CDHR2: variants seen among roughly 807,000 people sequenced by gnomAD.
CDHR2 encodes cadherin-related family member 2.
CDHR2 carries 104 observed loss-of-function variants against 138.6 expected under a neutral mutation model. The observed-to-expected ratio is 0.75, with a 90% CI of 0.64 to 0.88. The LOEUF is 0.88. Ranked by LOEUF, CDHR2 falls within the 40% of genes least tolerant of loss-of-function variation. CDHR2 has a pLI of 0.00. For missense variants in CDHR2, 1,624 were observed against 1,727.6 expected, an observed-to-expected ratio of 0.94 and a Z score of 1.06; for synonymous variants, 755 against 742.8, an observed-to-expected ratio of 1.02 and a Z score of -0.27.
intron 5 of CDHR2, among the ~76,000 whole-genome samples, chr5:176,569,941 T>C (rs1038426548): frequency 4.7e-5 from 7 of 148,604 alleles, no homozygotes; most frequent in Admixed American, 6.7e-5. Context: ...GCCTGAGTGA[T>C]AGCACGAGAC....
intron 6 of CDHR2, among the ~76,000 whole-genome samples, chr5:176,571,954 A>G (rs747744488): frequency 1.3e-5 from 2 of 152,044 alleles, no homozygotes; most frequent in African/African-American, 2.4e-5. Context: ...ATTTGAAATC[A>G]TATCTTCAGG....
At chr5:176,591,605 AGTAGTGGTAGTTATGGTGGTGGTG>A in intron 30 of CDHR2, 121 bp downstream of exon 30, 1 of 741,656 alleles carries the variant, frequency 1.3e-6, no homozygotes, top group Non-Finnish European at 2.3e-6. Context: ...TGGTCATGGT[AGTAGTGGTAGTTATGGTGGTGGTG>A]GTGATGGTAG....
upstream of CDHR2, among the ~76,000 whole-genome samples, chr5:176,545,906 C>T (rs1465321024): frequency 3.3e-5 from 5 of 152,246 alleles, no homozygotes; most frequent in Non-Finnish European, 7.3e-5. Flanking sequence ...TCTGGCCACA[C>T]GTGCCTCATC....
At chr5:176,591,544 G>C (rs11134984) in intron 30 of CDHR2, 60 bp downstream of exon 30, 3 of 1,250,852 alleles carry the variant, frequency 2.4e-6, no homozygotes, top group Non-Finnish European at 3.5e-6. Context: ...AGTGACGGTG[G>C]TGGTGGTGAT....
chr5:176,594,946 G>A (rs1212890075), intron 31 of CDHR2, among the ~76,000 whole-genome samples: 1 of 152,184 alleles, frequency 6.6e-6, no homozygotes, highest in Non-Finnish European at 1.5e-5. Flanking sequence ...GGTGGGACCA[G>A]CCTGTGGGCA....
At chr5:176,592,625 G>A (rs1202275720) in intron 30 of CDHR2, 98 bp from the exon 31 acceptor site, 13 of 907,492 alleles carry the variant, frequency 1.4e-5, no homozygotes, top group Admixed American at 7.0e-5. Context: ...GGTGGTAGTC[G>A]TGGTGATGGT....
At chr5:176,549,438 G>T (rs1002958262) in intron 1 of CDHR2, 24 bp downstream of exon 1, 1 of 152,246 alleles carries the variant, frequency 6.6e-6, no homozygotes. Flanking sequence ...AGCTCATCGG[G>T]GGTCTCTGGG....
At chr5:176,575,041 G>A in intron 7 of CDHR2, 43 bp from the exon 8 acceptor site, 1 of 1,611,618 alleles carries the variant, frequency 6.2e-7, no homozygotes, top group Non-Finnish European at 8.5e-7. Context: ...CCTCGGTGCA[G>A]GGCTGTCCCT....
chr5:176,592,108 AT>A, intron 30 of CDHR2, among the ~76,000 whole-genome samples: 1 of 109,286 alleles, frequency 9.2e-6, no homozygotes, highest in South Asian at 3.1e-4. Flanking sequence ...GGTGGTGGTG[AT>A]GGTGATGGTA....
chr5:176,560,937 C>G (rs144299171), intron 1 of CDHR2, among the ~76,000 whole-genome samples: 1 of 152,034 alleles, frequency 6.6e-6, no homozygotes, highest in Admixed American at 6.6e-5. Flanking sequence ...TGACCATGCC[C>G]GGGAAGCACG....
rs115353627 is a variant in CDHR2, at chr5:176,584,197, A to G, written c.2066A>G (p.Asn689Ser). The stretch of plus-strand genomic sequence containing the variant: ...ACCTGTCTCTGACTGCAGGACATCA[A>G]TGATAACCTGCCCATCTTCAATCAG... ...VNVTITVEDI[N>S]DNLPIFNQSS... The change falls in exon 18 of 32, where the codon AAT (asparagine) becomes AGT (serine). Residue 689 changes from asparagine to serine, a missense_variant. Coordinates refer to ENST00000261944, the MANE Select transcript of CDHR2 (RefSeq NM_017675.6). 11,502 of 1,613,874 alleles carry G rather than the reference A, an allele frequency of 7.1e-3. 62 individuals carry two copies. Among genetic ancestry groups the G allele is most frequent in the Non-Finnish European group, 8.3e-3 (9,767 of 1,179,752 alleles).
chr5:176,560,973 G>C (rs1471048933), intron 1 of CDHR2, among the ~76,000 whole-genome samples: 2 of 91,378 alleles, frequency 2.2e-5, no homozygotes, highest in Non-Finnish European at 5.2e-5. Flanking sequence ...CAGGATCTCT[G>C]ACTGTCTAGG....
intron 1 of CDHR2, among the ~76,000 whole-genome samples, chr5:176,561,598 A>T (rs12522767): frequency 6.6e-6 from 1 of 150,520 alleles, no homozygotes. Context: ...CTGTGGGAGC[A>T]TTGAGGGCGT....
rs975081275 is a variant in CDHR2 at position 176,590,248 on chromosome 5, T to G, written c.3276-5T>G. 6.2e-7 allele frequency: 1 copy of G among 1,613,948 alleles called. No individual in the cohort carries two copies. Among genetic ancestry groups the G allele is most frequent in the Non-Finnish European group, 8.5e-7 (1 of 1,180,020 alleles). On this transcript the variant is annotated splice_polypyrimidine_tract_variant and splice_region_variant and intron_variant, in intron 25 of 31. Transcript: ENST00000261944. ...TCCTGACTCTTCAACTCTGTCCCGC[T>G]CCAGGGCCCGACCTCACTCCTACCT... is the stretch of plus-strand genomic sequence containing the variant.
rs768475972 is a variant in CDHR2 at position 176,575,523 on chromosome 5, G to A, written c.786G>A (p.Thr262=). The change falls in exon 10 of 32, where the codon ACG becomes ACA. Residue 262 remains threonine (T), a synonymous_variant. Coordinates refer to ENST00000261944, the MANE Select transcript of CDHR2 (RefSeq NM_017675.6). ...CATTCCAGGGAACCTCGGTGCTGAC[G>A]GTGGAGGCTGTGGATGGCGACAAAG... is the stretch of plus-strand genomic sequence containing the variant. The part of the protein sequence containing the change: ...EDAAKGTSVL[T]VEAVDGDKGI... The A allele has an allele frequency of 7.4e-6, 12 of 1,614,040 alleles. No homozygotes were observed. In the Admixed American group the frequency reaches 1.0e-4, roughly 13 times the overall value.
chr5:176,558,916 A>C (rs907557815), intron 1 of CDHR2, among the ~76,000 whole-genome samples: 1 of 152,174 alleles, frequency 6.6e-6, no homozygotes, highest in African/African-American at 2.4e-5. Context: ...AAGAGTTTGG[A>C]TAGGGCATAG....
rs186751076 is a variant in CDHR2 at position 176,556,483 on chromosome 5, G to A, written c.-16+7069G>A. Among the ~76,000 whole-genome samples, 3 of 152,322 alleles carry A rather than the reference G, an allele frequency of 2.0e-5. No individual in the cohort carries two copies. In the East Asian group the frequency reaches 5.8e-4, roughly 29 times the overall value. ...AGATCGAGACCATCCCGGCTAACAT[G>A]GTGAAACCCAGTCTCTACTAAAAAT... is the stretch of plus-strand genomic sequence containing the variant. On this transcript the variant is annotated intron_variant, in intron 1 of 31. Coordinates refer to ENST00000261944, the MANE Select transcript of CDHR2 (RefSeq NM_017675.6).
At position 176,575,547 on chromosome 5, in the gene CDHR2, AG is replaced by A. The variant is rs1758354788; in HGVS notation, c.812del (p.Gly271AlafsTer6). ...LTVEAVDGDK[G>X]INDPVIYSIS... Reference sequence around the variant, plus strand: ...CGGTGGAGGCTGTGGATGGCGACAAAGGCATCAATGACCCTGTGATCTACAG... The same window carrying A: ...CGGTGGAGGCTGTGGATGGCGACAAAGCATCAATGACCCTGTGATCTACAG... On this transcript the variant is annotated frameshift_variant, in exon 10 of 32. Coordinates refer to ENST00000261944, the MANE Select transcript of CDHR2 (RefSeq NM_017675.6). LOFTEE classifies it high-confidence loss of function. The A allele has an allele frequency of 6.2e-7, 1 of 1,614,094 alleles. No individual in the cohort carries two copies. The highest frequency in any genetic ancestry group is 1.3e-5 in the African/African-American group (1 of 75,030).
Position 176,560,408 on chromosome 5 carries a change from TAA to T in CDHR2, c.-15-4918_-15-4917del, listed in dbSNP as rs771235299. ...TAAAACTCTGTCTCAATAAATAAATTAAAAAAAAAAAAAGACGCCAAAAAAGA... is the reference window on the plus strand; with the variant it reads ...TAAAACTCTGTCTCAATAAATAAATTAAAAAAAAAAAGACGCCAAAAAAGA... On this transcript the variant is annotated intron_variant, in intron 1 of 31. Coordinates refer to ENST00000261944, the MANE Select transcript of CDHR2 (RefSeq NM_017675.6). 7.1e-3 allele frequency among the ~76,000 whole-genome samples: 966 copies of T among 135,864 alleles called. 6 individuals are homozygous for T. Among genetic ancestry groups the T allele is most frequent in the African/African-American group, 0.025 (931 of 36,602 alleles). The allele number at this position is 135,864 out of a possible 152,430, so 89.1% of individuals were successfully genotyped here. A position where few individuals can be genotyped will look rare whatever the true frequency, so the allele number is the denominator to read the frequency against.
Sources: allele counts gnomAD v4.1 joint callset (sites outside exome capture counted in the v4.1 genomes callset), GRCh38; gene constraint gnomAD v4.1.1; transcripts MANE v1.5; gene names NCBI Gene and HGNC (gene_info 2026-07-23, HGNC 2026-07-21).